The following ATRNL1 variants were observed in gnomAD, a reference collection of about 807,000 sequenced individuals.
ATRNL1 encodes attractin like 1, also known as attractin-like protein 1.
ATRNL1 carries 95 observed loss-of-function variants against 182.7 expected under a neutral mutation model. The ratio of observed to expected loss-of-function variants is 0.52; its 90% CI spans 0.44 to 0.62. The LOEUF is 0.62. Ranked by LOEUF, ATRNL1 falls within the 20% of genes least tolerant of loss-of-function variation. ATRNL1 has a pLI of 0.00. For missense variants in ATRNL1, 1,471 were observed against 1,679.5 expected, an observed-to-expected ratio of 0.88 and a Z score of 2.17; for synonymous variants, 576 against 568.3, an observed-to-expected ratio of 1.01 and a Z score of -0.19.
intron 26 of ATRNL1, among the ~76,000 whole-genome samples, chr10:115,578,471 A>G (rs1315348375): frequency 6.6e-6 from 1 of 151,364 alleles, no homozygotes; most frequent in Non-Finnish European, 1.5e-5. Flanking sequence ...TTCTCTGTTC[A>G]GTCTTTATAT....
rs545163677 is a variant in ATRNL1, at chr10:115,705,460, T to A, written c.3796-21788T>A. On this transcript the variant is annotated intron_variant, in intron 26 of 28. Transcript: ENST00000355044. ...TCTTCATTTTTTTATACTTAGTGAA[T>A]TTTATCTCAAGCCTCATTTTACTCT... is the stretch of plus-strand genomic sequence containing the variant. Among the ~76,000 whole-genome samples, 4 of 152,098 alleles carry A rather than the reference T, an allele frequency of 2.6e-5. No individual in the cohort carries two copies. In the East Asian group the frequency reaches 5.8e-4, roughly 22 times the overall value.
At chr10:115,300,997 T>C (rs1554924301) in intron 16 of ATRNL1, among the ~76,000 whole-genome samples, 1 of 152,178 alleles carries the variant, frequency 6.6e-6, no homozygotes, top group South Asian at 2.1e-4. Context: ...ATACAGTATA[T>C]GTGCTTTGTG....
intron 21 of ATRNL1, among the ~76,000 whole-genome samples, chr10:115,448,092 ATTG>A (rs1847097336): frequency 6.6e-6 from 1 of 151,714 alleles, no homozygotes; most frequent in South Asian, 2.1e-4. Context: ...TCTTTTTCAT[ATTG>A]TTGGCATTTT....
intron 13 of ATRNL1, among the ~76,000 whole-genome samples, chr10:115,274,467 C>T (rs935012846): frequency 6.6e-6 from 1 of 152,060 alleles, no homozygotes; most frequent in Admixed American, 6.6e-5. Context: ...ACTGCTAGAC[C>T]CCTAGAGATT....
intron 8 of ATRNL1, among the ~76,000 whole-genome samples, chr10:115,205,208 T>A (rs1394791241): frequency 6.6e-6 from 1 of 152,046 alleles, no homozygotes; most frequent in Non-Finnish European, 1.5e-5. Context: ...ATATTTTGAA[T>A]TGTGTCCTTA....
chr10:115,817,907 T>G (rs2134274232), intron 27 of ATRNL1, among the ~76,000 whole-genome samples: 1 of 151,470 alleles, frequency 6.6e-6, no homozygotes, highest in East Asian at 1.9e-4. Flanking sequence ...GTTTTAATGT[T>G]TAGTCACACA....
intron 19 of ATRNL1, among the ~76,000 whole-genome samples, chr10:115,356,647 C>T (rs892814758): frequency 7.9e-5 from 12 of 151,852 alleles, no homozygotes; most frequent in Non-Finnish European, 1.6e-4. Flanking sequence ...CAAAGTTCCC[C>T]TGGGGAACTT....
intron 26 of ATRNL1, among the ~76,000 whole-genome samples, chr10:115,636,608 G>T (rs1311679012): frequency 2.0e-5 from 3 of 152,168 alleles, no homozygotes; most frequent in Non-Finnish European, 4.4e-5. Flanking sequence ...AAAATTGCTT[G>T]TAGAAATATA....
At chr10:115,135,294 C>T (rs1266239535) in intron 5 of ATRNL1, among the ~76,000 whole-genome samples, 1 of 152,168 alleles carries the variant, frequency 6.6e-6, no homozygotes, top group African/African-American at 2.4e-5. Flanking sequence ...ACCCCATCAT[C>T]TCAGCCCAAA....
chr10:115,398,153 G>C (rs764998544), intron 20 of ATRNL1, among the ~76,000 whole-genome samples: 6 of 151,776 alleles, frequency 4.0e-5, no homozygotes, highest in Non-Finnish European at 8.8e-5. Flanking sequence ...CAGTTGCTCA[G>C]GTAAAAAAAA....
intron 5 of ATRNL1, among the ~76,000 whole-genome samples, chr10:115,157,895 G>A (rs1246710405): frequency 6.6e-6 from 1 of 151,982 alleles, no homozygotes; most frequent in Admixed American, 6.6e-5. Context: ...ATTTAAAAAT[G>A]TACCCAATTT....
At chr10:115,654,466 G>A (rs1210327739) in intron 26 of ATRNL1, among the ~76,000 whole-genome samples, 4 of 151,942 alleles carry the variant, frequency 2.6e-5, no homozygotes, top group Admixed American at 6.6e-5. Flanking sequence ...TGATCCGCCC[G>A]CCTCAGCCTC....
chr10:115,884,153 A>G (rs1246060513), intron 28 of ATRNL1, among the ~76,000 whole-genome samples: 2 of 152,230 alleles, frequency 1.3e-5, no homozygotes, highest in Non-Finnish European at 2.9e-5. Context: ...TGATCATTCC[A>G]AAATGAATTT....
In ATRNL1 at chr10:115,936,199, G is replaced by A. The variant is rs1555122805; in HGVS notation, c.4019-8459G>A. 3.3e-5 allele frequency among the ~76,000 whole-genome samples: 5 copies of A among 152,202 alleles called. No homozygotes were observed. In the South Asian group the frequency reaches 6.2e-4, roughly 19 times the overall value. The stretch of plus-strand genomic sequence containing the variant: ...TTTGACTTCAAGCTTCTCACTTGAT[G>A]TTAATGAGGATGACGGTGATGATGA... On this transcript the variant is annotated intron_variant, in intron 28 of 28. Coordinates refer to ENST00000355044, the MANE Select transcript of ATRNL1 (RefSeq NM_207303.4).
chr10:115,893,989 C>CT (rs1159074900), intron 28 of ATRNL1, among the ~76,000 whole-genome samples: 1 of 151,994 alleles, frequency 6.6e-6, no homozygotes, highest in African/African-American at 2.4e-5. Context: ...TTAGGAAAGA[C>CT]TTTGTACTTC....
intron 24 of ATRNL1, among the ~76,000 whole-genome samples, chr10:115,506,140 A>G (rs1850100218): frequency 6.6e-6 from 1 of 151,786 alleles, no homozygotes; most frequent in African/African-American, 2.4e-5. Flanking sequence ...TTTCTCCCCC[A>G]CTACACCACC....
At chr10:115,534,980 G>A (rs1554989756) in intron 25 of ATRNL1, among the ~76,000 whole-genome samples, 1 of 152,300 alleles carries the variant, frequency 6.6e-6, no homozygotes, top group South Asian at 2.1e-4. Flanking sequence ...GAGATCCGCT[G>A]TTAGTCTGAT....
At chr10:115,479,572 A>G (rs1554973761) in intron 24 of ATRNL1, among the ~76,000 whole-genome samples, 1 of 151,440 alleles carries the variant, frequency 6.6e-6, no homozygotes, top group Non-Finnish European at 1.5e-5. Flanking sequence ...AAATATCCTT[A>G]AGATCCTTTA....
chr10:115,297,662 A>G (rs1554923126), intron 15 of ATRNL1, among the ~76,000 whole-genome samples: 1 of 151,794 alleles, frequency 6.6e-6, no homozygotes, highest in East Asian at 1.9e-4. Context: ...AAAAAAAAAA[A>G]AAAAAAAAGG....
Sources: gnomAD v4.1 joint callset for allele counts (sites outside exome capture counted in the v4.1 genomes callset) on GRCh38, gnomAD v4.1.1 for gene constraint, MANE v1.5 for transcripts, NCBI Gene and HGNC (gene_info 2026-07-23, HGNC 2026-07-21) for gene names.